The following TNFSF4 variants were observed in gnomAD, a reference collection of about 807,000 sequenced individuals.
TNFSF4 encodes TNF superfamily member 4.
In TNFSF4, 4 loss-of-function variants were observed where a neutral mutation model predicts 7.3. That is an observed-to-expected ratio of 0.55 (90% CI 0.27 to 1.25). The LOEUF (loss-of-function observed/expected upper bound fraction) is 1.25. TNFSF4 is among the 50% of genes most tolerant of loss of function. The pLI, the probability that TNFSF4 is intolerant of heterozygous loss-of-function variation, is 0.12. For missense variants in TNFSF4, 181 were observed against 208.8 expected (o/e 0.87, Z 0.82); for synonymous variants, 76 against 83.7 (o/e 0.91, Z 0.50).
chr1:173,440,906 A>G, the TNFSF4 span, among the ~76,000 whole-genome samples: 1 of 152,264 alleles, frequency 6.6e-6, no homozygotes, highest in Non-Finnish European at 1.5e-5. Context: ...TCTAATATTA[A>G]TCACTAAATT....
chr1:173,246,257 T>C, the TNFSF4 span, among the ~76,000 whole-genome samples: 1 of 152,130 alleles, frequency 6.6e-6, no homozygotes, highest in Non-Finnish European at 1.5e-5. Flanking sequence ...TCACCTTGGT[T>C]TTAAGCCCCA....
chr1:173,207,154 T>C lies in TNFSF4; in HGVS notation c.23A>G (p.Glu8Gly), dbSNP rs747461036. The C allele has an allele frequency of 3.1e-6, 5 of 1,613,636 alleles. No individual in the cohort carries two copies. Among genetic ancestry groups the C allele is most frequent in the Non-Finnish European group, 3.4e-6 (4 of 1,179,726 alleles). ...CCTGGCTGCATTTCCCACATTCTCT[T>C]CCAGGGGTTGGACCCTTTCCATCTT... MERVQPL[E>G]ENVGNAARPR... Residue 8 changes from glutamate (E) to glycine (G), a missense_variant, in exon 1 of 3, where the codon GAA (glutamate) becomes GGA (glycine). Transcript: ENST00000281834.
the TNFSF4 span, among the ~76,000 whole-genome samples, chr1:173,357,683 C>A: frequency 5.3e-5 from 8 of 152,140 alleles, no homozygotes; most frequent in Non-Finnish European, 1.2e-4. Context: ...AGGCATGCAC[C>A]ACCACACCTA....
At chr1:173,406,492 A>T in the TNFSF4 span, among the ~76,000 whole-genome samples, 2 of 152,196 alleles carry the variant, frequency 1.3e-5, no homozygotes, top group Non-Finnish European at 2.9e-5. Context: ...AACTTCCATG[A>T]GTCCTAGGCA....
the TNFSF4 span, among the ~76,000 whole-genome samples, chr1:173,234,368 A>G: frequency 6.6e-6 from 1 of 152,246 alleles, no homozygotes; most frequent in Non-Finnish European, 1.5e-5. Flanking sequence ...AACTAGTTCA[A>G]CCATTGTGGA....
chr1:173,332,395 C>G, the TNFSF4 span, among the ~76,000 whole-genome samples: 1 of 152,200 alleles, frequency 6.6e-6, no homozygotes, highest in Admixed American at 6.5e-5. Context: ...AAAACATACT[C>G]TCCAAATGGA....
At chr1:173,338,300 C>T in the TNFSF4 span, among the ~76,000 whole-genome samples, 1 of 152,208 alleles carries the variant, frequency 6.6e-6, no homozygotes, top group African/African-American at 2.4e-5. Flanking sequence ...GAATACAATG[C>T]TTCTGCCAAA....
chr1:173,387,253 A>G, the TNFSF4 span, among the ~76,000 whole-genome samples: 1 of 152,206 alleles, frequency 6.6e-6, no homozygotes, highest in African/African-American at 2.4e-5. Flanking sequence ...CCCCAATGCA[A>G]CAGTATTAAG....
At chr1:173,417,801 T>C in the TNFSF4 span, 1 of 152,220 alleles carries the variant, frequency 6.6e-6, no homozygotes. Context: ...AATTAGAAAT[T>C]CTACTATTTC....
the TNFSF4 span, among the ~76,000 whole-genome samples, chr1:173,344,885 T>C: frequency 1.3e-5 from 2 of 152,220 alleles, 1 homozygote; most frequent in South Asian, 4.1e-4. Flanking sequence ...CATTGAATCA[T>C]TGGCAAAGTC....
the TNFSF4 span, among the ~76,000 whole-genome samples, chr1:173,292,634 G>C: frequency 1.3e-5 from 2 of 151,398 alleles, no homozygotes; most frequent in Non-Finnish European, 2.9e-5. Flanking sequence ...TGGAAGTCCT[G>C]GAAGCCAGAG....
At chr1:173,298,716 G>C in the TNFSF4 span, among the ~76,000 whole-genome samples, 4 of 151,972 alleles carry the variant, frequency 2.6e-5, no homozygotes, top group Admixed American at 2.6e-4. Context: ...CATTTTGTTT[G>C]TTACTGTGCA....
the TNFSF4 span, among the ~76,000 whole-genome samples, chr1:173,422,635 G>A: frequency 2.0e-5 from 3 of 152,202 alleles, no homozygotes; most frequent in Admixed American, 6.5e-5. Flanking sequence ...CTGAGGCTGA[G>A]AAGATGGCGC....
chr1:173,384,964 G>C, the TNFSF4 span, among the ~76,000 whole-genome samples: 2 of 152,168 alleles, frequency 1.3e-5, no homozygotes, highest in Non-Finnish European at 2.9e-5. Flanking sequence ...TCATAGTGCT[G>C]AAATCAGCAT....
chr1:173,412,491 G>C, the TNFSF4 span, among the ~76,000 whole-genome samples: 1 of 152,204 alleles, frequency 6.6e-6, no homozygotes, highest in East Asian at 1.9e-4. Context: ...ATTAACCATA[G>C]GAAAGACTAG....
the TNFSF4 span, among the ~76,000 whole-genome samples, chr1:173,296,092 T>C: frequency 3.9e-5 from 6 of 152,050 alleles, no homozygotes; most frequent in African/African-American, 1.4e-4. Flanking sequence ...AAGTAAAAGA[T>C]GTTATGCAAC....
chr1:173,392,325 A>T, the TNFSF4 span, among the ~76,000 whole-genome samples: 1 of 152,214 alleles, frequency 6.6e-6, no homozygotes, highest in African/African-American at 2.4e-5. Flanking sequence ...TTCTTGCACA[A>T]CCAAACCAAG....
At chr1:173,330,668 A>G in the TNFSF4 span, among the ~76,000 whole-genome samples, 1 of 152,172 alleles carries the variant, frequency 6.6e-6, no homozygotes, top group Non-Finnish European at 1.5e-5. Flanking sequence ...AATTATGACT[A>G]GCAATGTGGT....
chr1:173,232,028 G>A, the TNFSF4 span, among the ~76,000 whole-genome samples: 3 of 152,138 alleles, frequency 2.0e-5, no homozygotes, highest in Non-Finnish European at 4.4e-5. Context: ...GCTTGATGGG[G>A]ATGGCATTGA....
Sources: allele counts gnomAD v4.1 joint callset (sites outside exome capture counted in the v4.1 genomes callset), GRCh38; gene constraint gnomAD v4.1.1; transcripts MANE v1.5; gene names NCBI Gene and HGNC (gene_info 2026-07-23, HGNC 2026-07-21).